Variants in GLRA1 observed in about 807,000 individuals in gnomAD.
GLRA1 encodes glycine receptor alpha 1, also known as glycine receptor subunit alpha-1.
In GLRA1, 37 loss-of-function variants were observed where a neutral mutation model predicts 48.3. The ratio of observed to expected loss-of-function variants is 0.77; its 90% CI spans 0.59 to 1.01. GLRA1 has a LOEUF of 1.01. Ranked by LOEUF, GLRA1 falls within the 50% of genes least tolerant of loss-of-function variation. The pLI is 0.00. For synonymous variants in GLRA1, 196 were observed against 210.7 expected, an observed-to-expected ratio of 0.93 and a Z score of 0.60; for missense variants, 427 against 571.0, an observed-to-expected ratio of 0.75 and a Z score of 2.57.
At chr5:151,887,979 G>T (rs965582244) in intron 2 of GLRA1, among the ~76,000 whole-genome samples, 1 of 152,166 alleles carries the variant, frequency 6.6e-6, no homozygotes, top group Non-Finnish European at 1.5e-5. Flanking sequence ...ATTGTAATTT[G>T]CAATTTGTGA....
intron 8 of GLRA1, among the ~76,000 whole-genome samples, chr5:151,825,912 T>C (rs751948794): frequency 6.6e-6 from 1 of 152,208 alleles, no homozygotes; most frequent in Non-Finnish European, 1.5e-5. Context: ...AAGAAGCTTG[T>C]ACACCTCTAG....
chr5:151,849,982 G>A (rs577174038), intron 7 of GLRA1: 4 of 1,596,840 alleles, frequency 2.5e-6, no homozygotes, highest in Non-Finnish European at 3.4e-6. Flanking sequence ...TGAAGTTTTC[G>A]AGTACAACCG....
At chr5:151,924,454 A>T in intron 1 of GLRA1, 40 bp downstream of exon 1, 1 of 1,264,996 alleles carries the variant, frequency 7.9e-7, no homozygotes, top group Non-Finnish European at 1.2e-6. Context: ...CTTTCCCCCC[A>T]TTTCCATCAG....
intron 1 of GLRA1, among the ~76,000 whole-genome samples, chr5:151,919,220 GA>G (rs1475363406): frequency 2.6e-5 from 4 of 151,766 alleles, no homozygotes; most frequent in Non-Finnish European, 5.9e-5. Context: ...ATAAAGATGG[GA>G]AAAATATGTT....
At chr5:151,887,518 A>G (rs1043430527) in intron 2 of GLRA1, among the ~76,000 whole-genome samples, 2 of 152,174 alleles carry the variant, frequency 1.3e-5, no homozygotes, top group African/African-American at 4.8e-5. Flanking sequence ...CATCATTTCA[A>G]CAACTCCAGG....
chr5:151,874,924 G>A (rs1456665022), intron 3 of GLRA1, among the ~76,000 whole-genome samples: 1 of 152,074 alleles, frequency 6.6e-6, no homozygotes, highest in Admixed American at 6.6e-5. Context: ...GAAGTGATAG[G>A]GAGCATGAGG....
At position 151,911,028 on chromosome 5, in the gene GLRA1, A is replaced by G. The variant is rs77382765; in HGVS notation, c.56+13466T>C. Among the ~76,000 whole-genome samples, 1,242 of 152,294 alleles carry G rather than the reference A, an allele frequency of 8.2e-3. 22 individuals carry two copies. Among genetic ancestry groups the G allele is most frequent in the African/African-American group, 0.028 (1,170 of 41,564 alleles). On this transcript the variant is annotated intron_variant, in intron 1 of 8. Transcript: ENST00000274576. ...ATGAACAAATTATTCTCTCTCAGCCAGGCTTCTAATTGATAGAAAGCCCAT... is the reference window on the plus strand; with the variant it reads ...ATGAACAAATTATTCTCTCTCAGCCGGGCTTCTAATTGATAGAAAGCCCAT...
chr5:151,864,587 C>T (rs752999855), intron 3 of GLRA1, among the ~76,000 whole-genome samples: 5 of 152,212 alleles, frequency 3.3e-5, no homozygotes, highest in East Asian at 1.9e-4. Flanking sequence ...GGACACTTTC[C>T]GTCAGCCTCA....
chr5:151,918,893 A>T (rs1483711673), intron 1 of GLRA1, among the ~76,000 whole-genome samples: 1 of 151,972 alleles, frequency 6.6e-6, no homozygotes, highest in African/African-American at 2.4e-5. Context: ...AGAGTGCATT[A>T]AAAAAAATCT....
chr5:151,869,730 AAAC>A (rs1239489609), intron 3 of GLRA1, among the ~76,000 whole-genome samples: 1 of 149,640 alleles, frequency 6.7e-6, no homozygotes, highest in Non-Finnish European at 1.5e-5. Context: ...ACAAAAACAA[AAAC>A]AAAAACAAAA....
At chr5:151,921,797 G>C (rs1262009785) in intron 1 of GLRA1, among the ~76,000 whole-genome samples, 1 of 152,196 alleles carries the variant, frequency 6.6e-6, no homozygotes, top group Admixed American at 6.5e-5. Context: ...TTGACTCTCA[G>C]AATGCCACTT....
intron 6 of GLRA1, among the ~76,000 whole-genome samples, chr5:151,852,219 C>G (rs892754877): frequency 1.2e-4 from 19 of 152,300 alleles, no homozygotes; most frequent in African/African-American, 4.6e-4. Context: ...CTTGAGCATG[C>G]CCTGAACTTT....
At chr5:151,892,026 G>T (rs545507567) in intron 2 of GLRA1, among the ~76,000 whole-genome samples, 1 of 152,222 alleles carries the variant, frequency 6.6e-6, no homozygotes, top group East Asian at 1.9e-4. Flanking sequence ...ATTTCTCCAC[G>T]TTCCATGTTT....
At chr5:151,872,290 C>T (rs1581633903) in intron 3 of GLRA1, among the ~76,000 whole-genome samples, 1 of 146,460 alleles carries the variant, frequency 6.8e-6, no homozygotes, top group East Asian at 1.9e-4. Flanking sequence ...TCAAAATGCC[C>T]AGTCAACATA....
At chr5:151,871,643 C>A (rs2113379324) in intron 3 of GLRA1, among the ~76,000 whole-genome samples, 1 of 148,790 alleles carries the variant, frequency 6.7e-6, no homozygotes, top group East Asian at 1.9e-4. Flanking sequence ...TCACTGCAAG[C>A]TCCGCCTCCT....
At chr5:151,845,213 G>A (rs778096989) in intron 7 of GLRA1, among the ~76,000 whole-genome samples, 3 of 152,086 alleles carry the variant, frequency 2.0e-5, no homozygotes, top group Non-Finnish European at 2.9e-5. Flanking sequence ...CTTCCATTAG[G>A]ACCCTTCTCC....
intron 5 of GLRA1, 50 bp downstream of exon 5, chr5:151,856,251 G>T: frequency 7.9e-7 from 1 of 1,273,162 alleles, no homozygotes; most frequent in Non-Finnish European, 1.1e-6. Flanking sequence ...CCTATCCCAT[G>T]GGTAAAAAGG....
At chr5:151,899,777 C>A (rs568847767) in intron 1 of GLRA1, among the ~76,000 whole-genome samples, 1 of 152,160 alleles carries the variant, frequency 6.6e-6, no homozygotes, top group African/African-American at 2.4e-5. Flanking sequence ...GCTAAGCACC[C>A]CTGGGAACAG....
At chr5:151,913,647 T>C (rs1372593747) in intron 1 of GLRA1, among the ~76,000 whole-genome samples, 1 of 152,212 alleles carries the variant, frequency 6.6e-6, no homozygotes, top group Non-Finnish European at 1.5e-5. Flanking sequence ...TTGCCAAACA[T>C]GGTGTTTAGA....
Sources: gnomAD v4.1 joint callset for allele counts (sites outside exome capture counted in the v4.1 genomes callset) on GRCh38, gnomAD v4.1.1 for gene constraint, MANE v1.5 for transcripts, NCBI Gene and HGNC (gene_info 2026-07-23, HGNC 2026-07-21) for gene names.